TTC7B: variants seen among roughly 807,000 people sequenced by gnomAD.
TTC7B encodes tetratricopeptide repeat domain 7B.
TTC7B carries 28 observed loss-of-function variants against 106.8 expected under a neutral mutation model. That is an observed-to-expected ratio of 0.26 (90% CI 0.19 to 0.36). TTC7B has a LOEUF of 0.36. Among genes scored for constraint, TTC7B ranks in the 10% least tolerant of loss-of-function variants. The pLI is 1.00. For synonymous variants in TTC7B, 405 were observed against 430.6 expected, an observed-to-expected ratio of 0.94 and a Z score of 0.74; for missense variants, 862 against 1,076.4, an observed-to-expected ratio of 0.80 and a Z score of 2.79.
At chr14:90,795,953 T>A (rs1386287407) in intron 1 of TTC7B, among the ~76,000 whole-genome samples, 1 of 152,194 alleles carries the variant, frequency 6.6e-6, no homozygotes, top group Non-Finnish European at 1.5e-5. Context: ...TATTATCATC[T>A]CCATCTCACA....
At chr14:90,704,984 C>T (rs1888147796) in intron 5 of TTC7B, among the ~76,000 whole-genome samples, 1 of 152,216 alleles carries the variant, frequency 6.6e-6, no homozygotes, top group Non-Finnish European at 1.5e-5. Context: ...CAAACATGAT[C>T]TGTGAGGAGA....
chr14:90,771,909 C>A (rs1287969259), intron 3 of TTC7B, among the ~76,000 whole-genome samples: 4 of 142,446 alleles, frequency 2.8e-5, no homozygotes, highest in African/African-American at 5.2e-5. Flanking sequence ...GTATATATTT[C>A]TTTATTTTAT....
intron 3 of TTC7B, among the ~76,000 whole-genome samples, chr14:90,755,116 G>C (rs919522648): frequency 3.4e-4 from 52 of 152,094 alleles, no homozygotes; most frequent in African/African-American, 1.2e-3. Context: ...ATCAGCTGAT[G>C]AACAATGGGG....
intron 3 of TTC7B, among the ~76,000 whole-genome samples, chr14:90,770,342 A>G (rs980089283): frequency 1.3e-5 from 2 of 152,206 alleles, no homozygotes; most frequent in Non-Finnish European, 2.9e-5. Context: ...GGAAACTTCA[A>G]TAACCCTCTC....
chr14:90,554,769 AAAG>A (rs767135183), intron 19 of TTC7B, among the ~76,000 whole-genome samples: 2 of 152,244 alleles, frequency 1.3e-5, no homozygotes, highest in Admixed American at 6.5e-5. Flanking sequence ...CACTTTGAAC[AAAG>A]AAGAAGGCGG....
Position 90,600,511 on chromosome 14 carries a change from A to G in TTC7B, c.1967-6885T>C, listed in dbSNP as rs1298149506. 6.6e-6 allele frequency among the ~76,000 whole-genome samples: 1 copy of G among 152,208 alleles called. No individual in the cohort carries two copies. The highest frequency in any genetic ancestry group is 2.4e-5 in the African/African-American group (1 of 41,446). On this transcript the variant is annotated intron_variant, in intron 17 of 19. Coordinates refer to ENST00000328459, the MANE Select transcript of TTC7B (RefSeq NM_001010854.2). The surrounding 1 kb of genome is among the most constrained non-coding windows in gnomAD (Gnocchi z 4.3). ...ACACTTCCATTTTTCACCAAGTGAAAAAAGGATTAAGACTCATAGCCCCAA... is the reference window on the plus strand; with the variant it reads ...ACACTTCCATTTTTCACCAAGTGAAGAAAGGATTAAGACTCATAGCCCCAA...
chr14:90,783,050 T>C (rs964771582), intron 2 of TTC7B, among the ~76,000 whole-genome samples: 1 of 152,016 alleles, frequency 6.6e-6, no homozygotes, highest in East Asian at 1.9e-4. Flanking sequence ...TGGGAGAGCC[T>C]CCCTGGGCGA....
rs1211295387 is a variant in TTC7B at position 90,600,689 on chromosome 14, C to T, written c.1967-7063G>A. Reference sequence around the variant, plus strand: ...GGACATGTCATCACCGGTGGGCATGCGGGGCTAGCGCAGCATGCTGCTGGT... The same window carrying T: ...GGACATGTCATCACCGGTGGGCATGTGGGGCTAGCGCAGCATGCTGCTGGT... On this transcript the variant is annotated intron_variant, in intron 17 of 19. Coordinates refer to ENST00000328459, the MANE Select transcript of TTC7B (RefSeq NM_001010854.2). The surrounding 1 kb of genome is among the most constrained non-coding windows in gnomAD (Gnocchi z 4.3). Among the ~76,000 whole-genome samples the T allele has an allele frequency of 2.0e-5, 3 of 152,118 alleles. No individual in the cohort carries two copies. Among genetic ancestry groups the T allele is most frequent in the Admixed American group, 6.5e-5 (1 of 15,270 alleles).
chr14:90,816,114 G>A (rs527663777), intron 1 of TTC7B, 61 bp downstream of exon 1: 14 of 993,196 alleles, frequency 1.4e-5, no homozygotes, highest in Admixed American at 5.9e-5. Flanking sequence ...CGCCTCGGGG[G>A]CCCGTTCCCG....
rs2030365858 is a variant in TTC7B at position 90,802,958 on chromosome 14, C to T, written c.121+13217G>A. Among the ~76,000 whole-genome samples the T allele has an allele frequency of 7.2e-6, 1 of 138,080 alleles. No homozygotes were observed. The highest frequency in any genetic ancestry group is 1.6e-5 in the Non-Finnish European group (1 of 63,458). The allele number at this position is 138,080 out of a possible 152,430, so 90.6% of individuals were successfully genotyped here. A position where few individuals can be genotyped will look rare whatever the true frequency, so the allele number is the denominator to read the frequency against. ...AAGTTCGAGACCAACATGGTGAAAC[C>T]CCATCTCTGCTAAAAAAAAAAAAAA... is the stretch of plus-strand genomic sequence containing the variant. On this transcript the variant is annotated intron_variant, in intron 1 of 19. Transcript: ENST00000328459. The surrounding 1 kb of genome is among the most constrained non-coding windows in gnomAD (Gnocchi z 4.7).
At chr14:90,596,115 T>C (rs1892191985) in intron 17 of TTC7B, among the ~76,000 whole-genome samples, 1 of 152,064 alleles carries the variant, frequency 6.6e-6, no homozygotes, top group Non-Finnish European at 1.5e-5. Context: ...AGTAAAAACA[T>C]GTTTTTTTTA....
At chr14:90,558,022 G>C (rs1040459132) in intron 19 of TTC7B, among the ~76,000 whole-genome samples, 4 of 152,250 alleles carry the variant, frequency 2.6e-5, no homozygotes, top group Non-Finnish European at 5.9e-5. Flanking sequence ...TTGGCTAAAA[G>C]TCACTGCAGT....
chr14:90,801,755 G>A (rs2030282169), intron 1 of TTC7B, among the ~76,000 whole-genome samples: 2 of 152,132 alleles, frequency 1.3e-5, no homozygotes, highest in African/African-American at 4.8e-5. Context: ...GTATTTGAGT[G>A]CATTGAAAGC....
At chr14:90,810,892 C>T (rs2030863988) in intron 1 of TTC7B, among the ~76,000 whole-genome samples, 1 of 152,180 alleles carries the variant, frequency 6.6e-6, no homozygotes, top group African/African-American at 2.4e-5. Flanking sequence ...CAAAGGTGCA[C>T]AGACAATAAG....
chr14:90,735,717 A>T (rs34999216), intron 4 of TTC7B, among the ~76,000 whole-genome samples: 25,470 of 139,906 alleles, frequency 0.18, 2,230 homozygotes, highest in Non-Finnish European at 0.21. Context: ...TTTTTTTTTT[A>T]AAAAACCTAC....
intron 5 of TTC7B, among the ~76,000 whole-genome samples, chr14:90,725,632 G>A (rs1051331526): frequency 2.0e-5 from 3 of 152,154 alleles, no homozygotes; most frequent in Non-Finnish European, 2.9e-5. Flanking sequence ...GGAGCCCAAG[G>A]TCTGAACCAT....
intron 5 of TTC7B, among the ~76,000 whole-genome samples, chr14:90,711,452 C>T (rs1019589552): frequency 9.2e-5 from 14 of 152,288 alleles, no homozygotes; most frequent in African/African-American, 2.6e-4. Flanking sequence ...GATGGAGTCT[C>T]GCTCTGTTGC....
rs1409406407 is a variant in TTC7B at position 90,524,900 on chromosome 14, AAC to A, written c.*16466_*16467del. The stretch of plus-strand genomic sequence containing the variant: ...GAGGCCTTTTTTTTTAAAAAAAAAA[AAC>A]AAACAAAAAAACAAAAAACAGCCTT... On this transcript the variant is annotated 3_prime_UTR_variant, in exon 20 of 20. Coordinates refer to ENST00000328459, the MANE Select transcript of TTC7B (RefSeq NM_001010854.2). 2 of 143,294 alleles carry A rather than the reference AAC, an allele frequency of 1.4e-5. No homozygotes were observed. Among genetic ancestry groups the A allele is most frequent in the Non-Finnish European group, 3.1e-5 (2 of 64,562 alleles). The allele number at this position is 143,294 out of a possible 1,614,324, so 8.9% of individuals were successfully genotyped here. A position where few individuals can be genotyped will look rare whatever the true frequency, so the allele number is the denominator to read the frequency against.
chr14:90,557,560 G>A (rs1254455896), intron 19 of TTC7B, among the ~76,000 whole-genome samples: 1 of 152,226 alleles, frequency 6.6e-6, no homozygotes, highest in East Asian at 1.9e-4. Context: ...AGCAGCCAAC[G>A]CAGCCAGGGA....
Sources: allele counts gnomAD v4.1 joint callset (sites outside exome capture counted in the v4.1 genomes callset), GRCh38; gene constraint gnomAD v4.1.1; non-coding constraint Gnocchi (gnomAD v3.1); transcripts MANE v1.5; gene names NCBI Gene and HGNC (gene_info 2026-07-23, HGNC 2026-07-21).